The following CENPF variants were observed in gnomAD, a reference collection of about 807,000 sequenced individuals.
CENPF encodes centromere protein F.
Under a neutral mutation model 307.3 loss-of-function variants are expected in CENPF, and 214 were observed. The ratio of observed to expected loss-of-function variants is 0.70; its 90% CI spans 0.62 to 0.78. The LOEUF is 0.78. Ranked by LOEUF, CENPF falls within the 30% of genes least tolerant of loss-of-function variation. The pLI is 0.00. For synonymous variants in CENPF, 1,259 were observed against 1,270.6 expected (o/e 0.99, Z 0.19); for missense variants, 3,401 against 3,483.9 (o/e 0.98, Z 0.60).
intron 1 of CENPF, chr1:214,605,757 G>C: frequency 6.3e-7 from 1 of 1,594,208 alleles, no homozygotes; most frequent in East Asian, 2.2e-5. Context: ...ATGTCGTTGT[G>C]CCTGGTGCCC....
In CENPF at chr1:214,658,952, T is replaced by C; in HGVS notation, c.9065T>C (p.Leu3022Pro). Reference sequence around the variant, plus strand: ...CGCCTGGCTGCACAGAAGTTAGCGCTATCCCCACTGAGTCTCGGCAAAGAA... The same window carrying C: ...CGCCTGGCTGCACAGAAGTTAGCGCCATCCCCACTGAGTCTCGGCAAAGAA... ...SPRLAAQKLA[L>P]SPLSLGKENL... The change falls in exon 19 of 20, where the codon CTA becomes CCA. Residue 3022 changes from leucine (L) to proline (P), a missense_variant. Physicochemically the swap from Leu to Pro is moderately conservative, Grantham distance 98 (BLOSUM62 -3). Transcript: ENST00000366955. The C allele has an allele frequency of 1.2e-6, 2 of 1,614,102 alleles. No homozygotes were observed. The highest frequency in any genetic ancestry group is 1.7e-6 in the Non-Finnish European group (2 of 1,179,986).
rs780265248 is a variant in CENPF at position 214,613,882 on chromosome 1, G to C, written c.128G>C (p.Ser43Thr). ...CAGCAAAGGCAGTTTCAGCTTGACA[G>C]TCTCGAGGCTGCGCTGCAGAAGCAA... ...EKQQRQFQLD[S>T]LEAALQKQKQ... Residue 43 changes from serine to threonine, a missense_variant, in exon 2 of 20, where the codon AGT becomes ACT. Transcript: ENST00000366955. 1 of 1,613,584 alleles carries C rather than the reference G, an allele frequency of 6.2e-7. No individual in the cohort carries two copies. Among genetic ancestry groups the C allele is most frequent in the Admixed American group, 1.7e-5 (1 of 59,918 alleles).
At chr1:214,603,909 C>T (rs922798225) in intron 1 of CENPF, among the ~76,000 whole-genome samples, 4 of 152,012 alleles carry the variant, frequency 2.6e-5, no homozygotes, top group African/African-American at 4.8e-5. Flanking sequence ...GGGATCCTCC[C>T]GCCTTGGCCT....
rs1173798574 is a variant in CENPF, at chr1:214,646,344, G to C, written c.6774G>C (p.Val2258=). The change falls in exon 13 of 20, where the codon GTG becomes GTC. Residue 2258 remains valine (V), a synonymous_variant. Transcript: ENST00000366955. ...IQIKEESKTA[V]EMLQNQLKEL... is the part of the protein sequence containing the mutation. ...TCAAAGAAGAATCTAAAACTGCAGTGGAGATGCTTCAGAATCAGTTAAAGG... is the reference window on the plus strand; with the variant it reads ...TCAAAGAAGAATCTAAAACTGCAGTCGAGATGCTTCAGAATCAGTTAAAGG... 1 of 1,613,960 alleles carries C rather than the reference G, an allele frequency of 6.2e-7. No individual in the cohort carries two copies. The highest frequency in any genetic ancestry group is 1.1e-5 in the South Asian group (1 of 91,040).
At chr1:214,648,345 A>T (rs1658368361) in intron 13 of CENPF, 1 of 410,392 alleles carries the variant, frequency 2.4e-6, no homozygotes, top group Admixed American at 3.4e-5. Context: ...AAGTGATAAG[A>T]TACTGCCTGA....
Position 214,656,970 on chromosome 1 carries a change from T to G in CENPF, c.8523T>G (p.Thr2841=). 6.2e-7 allele frequency: 1 copy of G among 1,612,304 alleles called. No homozygotes were observed. Among genetic ancestry groups the G allele is most frequent in the Non-Finnish European group, 8.5e-7 (1 of 1,179,600 alleles). Residue 2841 remains threonine (T), a synonymous_variant, in exon 18 of 20, where the codon ACT becomes ACG. Coordinates refer to ENST00000366955, the MANE Select transcript of CENPF (RefSeq NM_016343.4). ...VMDTKVDELT[T]EIKELKETLE... is the part of the protein sequence containing the mutation. ...ATACCAAGGTCGATGAATTAACAAC[T>G]GAGATCAAAGAACTGAAAGAAACTC...
In CENPF at chr1:214,613,869, T is replaced by C. The variant is rs919529415; in HGVS notation, c.115T>C (p.Phe39Leu). 9.9e-6 allele frequency: 16 copies of C among 1,613,710 alleles called. No individual in the cohort carries two copies. Among genetic ancestry groups the C allele is most frequent in the Non-Finnish European group, 1.4e-5 (16 of 1,179,916 alleles). ...KLKKEKQQRQFQLDSLEAALQ... is the reference protein window; with the variant it reads ...KLKKEKQQRQLQLDSLEAALQ... ...GAAGAAGGAAAAGCAGCAAAGGCAGTTTCAGCTTGACAGTCTCGAGGCTGC... is the reference window on the plus strand; with the variant it reads ...GAAGAAGGAAAAGCAGCAAAGGCAGCTTCAGCTTGACAGTCTCGAGGCTGC... The change falls in exon 2 of 20, where the codon TTT becomes CTT. Residue 39 changes from phenylalanine to leucine, a missense_variant. Physicochemically the swap from Phe to Leu is conservative, Grantham distance 22. Coordinates refer to ENST00000366955, the MANE Select transcript of CENPF (RefSeq NM_016343.4).
chr1:214,640,348 G>T lies in CENPF; in HGVS notation c.2010G>T (p.Met670Ile), dbSNP rs780637562. The T allele has an allele frequency of 1.9e-5, 30 of 1,613,860 alleles. No homozygotes were observed. Among genetic ancestry groups the T allele is most frequent in the Non-Finnish European group, 2.3e-5 (27 of 1,179,966 alleles). Residue 670 changes from methionine to isoleucine, a missense_variant, in exon 12 of 20, where the codon ATG (methionine) becomes ATT (isoleucine). Physicochemically the swap from Met to Ile is conservative, Grantham distance 10. Coordinates refer to ENST00000366955, the MANE Select transcript of CENPF (RefSeq NM_016343.4). ...ACGAGAGAGTAAGAACGCTGGAGAT[G>T]GACAGAGAAAACCTAAGTGTCGAGA... Reference protein sequence around the residue: ...EYNERVRTLEMDRENLSVEIR... With the variant: ...EYNERVRTLEIDRENLSVEIR...
At chr1:214,613,242 C>T in intron 1 of CENPF, 1 of 245,878 alleles carries the variant, frequency 4.1e-6, no homozygotes, top group South Asian at 6.0e-5. Flanking sequence ...CTTGGAGGCC[C>T]AATTATCATC....
chr1:214,620,527 A>C, intron 5 of CENPF, 128 bp from the exon 6 acceptor site: 1 of 904,236 alleles, frequency 1.1e-6, no homozygotes, highest in Non-Finnish European at 1.7e-6. Context: ...GACTTGATGA[A>C]TGTTCTTTGT....
chr1:214,608,817 C>A (rs530605046), intron 1 of CENPF: 2 of 1,597,868 alleles, frequency 1.3e-6, no homozygotes, highest in African/African-American at 1.3e-5. Flanking sequence ...GGCAGCAGAG[C>A]TCACTCAGCG....
chr1:214,644,769 T>C lies in CENPF; in HGVS notation c.5199T>C (p.Pro1733=), dbSNP rs1456636551. Residue 1733 remains proline, a synonymous_variant, in exon 13 of 20, where the codon CCT becomes CCC. Coordinates refer to ENST00000366955, the MANE Select transcript of CENPF (RefSeq NM_016343.4). The part of the protein sequence containing the change: ...GEQSPDTNYE[P]PGEDKTQGSS... ...AGTCCCCAGATACCAATTATGAGCC[T>C]CCAGGGGAAGATAAAACCCAGGGCT... 3 of 1,613,888 alleles carry C rather than the reference T, an allele frequency of 1.9e-6. No homozygotes were observed. The highest frequency in any genetic ancestry group is 1.7e-4 in the Middle Eastern group (1 of 6,058).
intron 3 of CENPF, among the ~76,000 whole-genome samples, chr1:214,617,113 A>G (rs987054593): frequency 6.6e-6 from 1 of 150,596 alleles, no homozygotes; most frequent in African/African-American, 2.4e-5. Context: ...GTGCTGTGGC[A>G]CAGTTTCAGC....
intron 3 of CENPF, among the ~76,000 whole-genome samples, chr1:214,615,708 G>A (rs1657318390): frequency 6.6e-6 from 1 of 152,120 alleles, no homozygotes; most frequent in South Asian, 2.1e-4. Context: ...GGAGGCCGAG[G>A]CAAGTGGATT....
chr1:214,639,585 A>G (rs1658050897), intron 11 of CENPF, among the ~76,000 whole-genome samples: 1 of 152,192 alleles, frequency 6.6e-6, no homozygotes, highest in Non-Finnish European at 1.5e-5. Flanking sequence ...AGATGGTAAA[A>G]ATATACACAT....
At chr1:214,623,924 CT>C (rs1343806018) in intron 7 of CENPF, among the ~76,000 whole-genome samples, 7 of 152,136 alleles carry the variant, frequency 4.6e-5, no homozygotes. Context: ...ATTTCTGAGG[CT>C]TTAGGTAAAA....
At chr1:214,618,485 T>A in intron 3 of CENPF, 88 bp from the exon 4 acceptor site, 1 of 1,462,270 alleles carries the variant, frequency 6.8e-7, no homozygotes, top group Non-Finnish European at 9.3e-7. Context: ...TCTTTGTAAG[T>A]TTATTACTCT....
intron 2 of CENPF, 24 bp from the exon 3 acceptor site, chr1:214,614,808 T>C (rs1245310065): frequency 6.8e-7 from 1 of 1,480,658 alleles, no homozygotes; most frequent in Non-Finnish European, 9.1e-7. Flanking sequence ...AGGGAGTTAT[T>C]GTCTTCTGAA....
chr1:214,638,024 A>T, intron 11 of CENPF, 23 bp downstream of exon 11: 1 of 1,596,346 alleles, frequency 6.3e-7, no homozygotes, highest in Non-Finnish European at 8.5e-7. Context: ...AGTATTTTAG[A>T]GTTACCTTTC....
Sources: gnomAD v4.1 joint callset for allele counts (sites outside exome capture counted in the v4.1 genomes callset) on GRCh38, gnomAD v4.1.1 for gene constraint, MANE v1.5 for transcripts, NCBI Gene and HGNC (gene_info 2026-07-23, HGNC 2026-07-21) for gene names.